TNFRSF8: variants seen among roughly 807,000 people sequenced by gnomAD.
TNFRSF8 encodes the protein tumor necrosis factor receptor superfamily member 8.
A neutral mutation model predicts 70.8 loss-of-function variants in TNFRSF8; 26 were observed. That is an observed-to-expected ratio of 0.37 (90% CI 0.27 to 0.51). The LOEUF (loss-of-function observed/expected upper bound fraction) is 0.51. TNFRSF8 is among the 20% of genes least tolerant of loss of function. The pLI is 0.94. For missense variants in TNFRSF8, 720 were observed against 807.9 expected (o/e 0.89, Z 1.32); for synonymous variants, 356 against 339.2 (o/e 1.05, Z -0.54).
intron 3 of TNFRSF8, among the ~76,000 whole-genome samples, chr1:12,102,016 A>G (rs1641432467): frequency 6.6e-6 from 1 of 152,082 alleles, no homozygotes; most frequent in Admixed American, 6.6e-5. Context: ...TACGCCATCC[A>G]TTGTTGACTG....
Position 12,142,301 on chromosome 1 carries a change from A to G in TNFRSF8, c.1558A>G (p.Met520Val). The G allele has an allele frequency of 6.3e-7, 1 of 1,596,754 alleles. No homozygotes were observed. Among genetic ancestry groups the G allele is most frequent in the Non-Finnish European group, 8.5e-7 (1 of 1,170,740 alleles). Residue 520 changes from methionine to valine, a missense_variant, in exon 15 of 15, where the codon ATG becomes GTG. Met to Val is a conservative substitution (Grantham distance 21, BLOSUM62 1). Transcript: ENST00000263932. The surrounding 1 kb of genome is among the most constrained non-coding windows in gnomAD (Gnocchi z 5.0). ...TTGCCTTGCAGAGAAAATCTACATCATGAAGGCTGACACCGTGATCGTGGG... is the reference window on the plus strand; with the variant it reads ...TTGCCTTGCAGAGAAAATCTACATCGTGAAGGCTGACACCGTGATCGTGGG... Reference protein sequence around the residue: ...TNNKIEKIYIMKADTVIVGTV... With the variant: ...TNNKIEKIYIVKADTVIVGTV...
chr1:12,137,045 C>T (rs521106), intron 13 of TNFRSF8, among the ~76,000 whole-genome samples: 105,516 of 151,764 alleles, frequency 0.7, 36,924 homozygotes, highest in Admixed American at 0.78. Context: ...TGCCGCCTTC[C>T]GCAGTGTTTG....
At position 12,110,230 on chromosome 1, in the gene TNFRSF8, C is replaced by G. The variant is rs11569875; in HGVS notation, c.676+26C>G. Reference sequence around the variant, plus strand: ...GTAATTTCCCCATGAAGCTGTGGGTCGTCTCCCTGGGGTGCTCGATTGGTG... The same window carrying G: ...GTAATTTCCCCATGAAGCTGTGGGTGGTCTCCCTGGGGTGCTCGATTGGTG... On this transcript the variant is annotated intron_variant, in intron 6 of 14. Coordinates refer to ENST00000263932, the MANE Select transcript of TNFRSF8 (RefSeq NM_001243.5). This position sits in a 1 kb window ranked among gnomAD's most constrained non-coding sequence, Gnocchi z 4.0. 1 of 1,559,894 alleles carries G rather than the reference C, an allele frequency of 6.4e-7. No individual in the cohort carries two copies. The highest frequency in any genetic ancestry group is 1.2e-5 in the South Asian group (1 of 82,070).
Position 12,123,761 on chromosome 1 carries a change from A to G in TNFRSF8, c.1087A>G (p.Thr363Ala). ...SLLVDSQASK[T>A]LPIPTSAPVA... ...GCTGGTGGACTCCCAGGCCAGTAAG[A>G]CGCTGCCCATCCCAACCAGCGCTCC... The change falls in exon 10 of 15, where the codon ACG becomes GCG. Residue 363 changes from threonine (T) to alanine (A), a missense_variant. Physicochemically the swap from Thr to Ala is moderately conservative, Grantham distance 58. Coordinates refer to ENST00000263932, the MANE Select transcript of TNFRSF8 (RefSeq NM_001243.5). 6.3e-7 allele frequency: 1 copy of G among 1,579,364 alleles called. No homozygotes were observed. Among genetic ancestry groups the G allele is most frequent in the Non-Finnish European group, 8.6e-7 (1 of 1,162,190 alleles).
At chr1:12,092,717 C>T (rs1291264536) in intron 2 of TNFRSF8, among the ~76,000 whole-genome samples, 6 of 151,960 alleles carry the variant, frequency 3.9e-5, no homozygotes, top group African/African-American at 9.7e-5. Flanking sequence ...ACCATGTTAG[C>T]GAGGATGGTC....
chr1:12,065,230 G>A (rs779147695), intron 1 of TNFRSF8, among the ~76,000 whole-genome samples: 37 of 151,886 alleles, frequency 2.4e-4, no homozygotes, highest in Non-Finnish European at 4.3e-4. Context: ...TTACAGGCAT[G>A]TGCCACCACA....
Position 12,109,514 on chromosome 1 carries a change from A to G in TNFRSF8, c.422-52A>G. 6 of 1,480,930 alleles carry G rather than the reference A, an allele frequency of 4.1e-6. No homozygotes were observed. The highest frequency in any genetic ancestry group is 5.6e-6 in the Non-Finnish European group (6 of 1,064,512). The allele number at this position is 1,480,930 out of a possible 1,614,324, so 91.7% of individuals were successfully genotyped here. ...GTGGTAGTGAAGGGTGTATTCCGGG[A>G]GACTTTGGGTCCCCAACACTGATTC... On this transcript the variant is annotated intron_variant, in intron 4 of 14. Transcript: ENST00000263932. This position sits in a 1 kb window ranked among gnomAD's most constrained non-coding sequence, Gnocchi z 4.4.
intron 12 of TNFRSF8, among the ~76,000 whole-genome samples, chr1:12,133,879 C>T (rs1427500763): frequency 6.6e-6 from 1 of 152,056 alleles, no homozygotes; most frequent in African/African-American, 2.4e-5. Flanking sequence ...ATGGTGAAAC[C>T]TTGTTTCTAC....
At chr1:12,086,258 G>C (rs1484857402) in intron 2 of TNFRSF8, among the ~76,000 whole-genome samples, 1 of 152,222 alleles carries the variant, frequency 6.6e-6, no homozygotes, top group African/African-American at 2.4e-5. Context: ...TTCTTGGAAA[G>C]AATTTGATGT....
intron 1 of TNFRSF8, among the ~76,000 whole-genome samples, chr1:12,076,086 CTTTTTTTTT>C (rs372578463): frequency 7.4e-6 from 1 of 134,460 alleles, no homozygotes; most frequent in Non-Finnish European, 1.6e-5. Flanking sequence ...TGGTTTTATT[CTTTTTTTTT>C]TCTTTTTCTT....
At chr1:12,067,759 G>A (rs1640766712) in intron 1 of TNFRSF8, among the ~76,000 whole-genome samples, 1 of 152,122 alleles carries the variant, frequency 6.6e-6, no homozygotes, top group Non-Finnish European at 1.5e-5. Context: ...TAAAAGCTTA[G>A]CTAGTTACTC....
chr1:12,121,877 A>G (rs979718263), intron 8 of TNFRSF8, among the ~76,000 whole-genome samples: 6 of 152,266 alleles, frequency 3.9e-5, no homozygotes, highest in African/African-American at 1.4e-4. Context: ...TCATCTGTAC[A>G]ACAGAACGCC....
intron 12 of TNFRSF8, among the ~76,000 whole-genome samples, chr1:12,134,966 C>T (rs554611652): frequency 3.3e-5 from 5 of 151,754 alleles, no homozygotes; most frequent in African/African-American, 1.2e-4. Flanking sequence ...CTTGCATGTG[C>T]GCGGGGGTGG....
intron 8 of TNFRSF8, among the ~76,000 whole-genome samples, chr1:12,120,683 G>A (rs1641812594): frequency 6.6e-6 from 1 of 152,096 alleles, no homozygotes. Flanking sequence ...TTCTTAAATG[G>A]AGGCTGAGTA....
intron 4 of TNFRSF8, among the ~76,000 whole-genome samples, chr1:12,106,620 G>A (rs1381584257): frequency 6.6e-6 from 1 of 152,122 alleles, no homozygotes; most frequent in Non-Finnish European, 1.5e-5. Flanking sequence ...GGGGACACCT[G>A]ACAGGGAGCT....
Position 12,063,615 on chromosome 1 carries a change from C to G in TNFRSF8, c.17C>G (p.Ala6Gly). The change falls in exon 1 of 15, where the codon GCC (alanine) becomes GGC (glycine). Residue 6 changes from alanine (A) to glycine (G), a missense_variant. Physicochemically the swap from Ala to Gly is moderately conservative, Grantham distance 60. Coordinates refer to ENST00000263932, the MANE Select transcript of TNFRSF8 (RefSeq NM_001243.5). The surrounding 1 kb of genome is among the most constrained non-coding windows in gnomAD (Gnocchi z 7.2). Reference protein sequence around the residue: MRVLLAALGLLFLGAL... With the variant: MRVLLGALGLLFLGAL... ...GCCCCGGGGATGCGCGTCCTCCTCG[C>G]CGCGCTGGGACTGCTGTTCCTGGGG... 7.7e-7 allele frequency: 1 copy of G among 1,305,260 alleles called. No homozygotes were observed. The highest frequency in any genetic ancestry group is 9.8e-7 in the Non-Finnish European group (1 of 1,017,878). 80.9% of individuals were successfully genotyped at this position (1,305,260 alleles called of 1,614,324 possible). A position where few individuals can be genotyped will look rare whatever the true frequency, so the allele number is the denominator to read the frequency against.
intron 1 of TNFRSF8, among the ~76,000 whole-genome samples, chr1:12,068,378 A>G (rs72641053): frequency 0.084 from 12,703 of 152,110 alleles, 641 homozygotes; most frequent in South Asian, 0.14. Context: ...GCCCAGAGGT[A>G]GGGGAGAGTC....
At chr1:12,133,537 C>T (rs1362060907) in intron 12 of TNFRSF8, among the ~76,000 whole-genome samples, 2 of 149,198 alleles carry the variant, frequency 1.3e-5, no homozygotes, top group South Asian at 2.1e-4. Flanking sequence ...GTCAAGAGAT[C>T]GAGACCAGCC....
Position 12,120,472 on chromosome 1 carries a change from T to A in TNFRSF8, c.947-2812T>A, listed in dbSNP as rs1641809722. Among the ~76,000 whole-genome samples, 4 of 152,054 alleles carry A rather than the reference T, an allele frequency of 2.6e-5. No individual in the cohort carries two copies. In the South Asian group the frequency reaches 6.2e-4, roughly 24 times the overall value. ...AAGAAAAAGAAAGGCAATTGAAAACTCCCGGGAAAAGAAAAAGATGACAAG... is the reference window on the plus strand; with the variant it reads ...AAGAAAAAGAAAGGCAATTGAAAACACCCGGGAAAAGAAAAAGATGACAAG... On this transcript the variant is annotated intron_variant, in intron 8 of 14. Transcript: ENST00000263932.
Sources: allele counts gnomAD v4.1 joint callset (sites outside exome capture counted in the v4.1 genomes callset), GRCh38; gene constraint gnomAD v4.1.1; non-coding constraint Gnocchi (gnomAD v3.1); transcripts MANE v1.5; gene names NCBI Gene and HGNC (gene_info 2026-07-23, HGNC 2026-07-21).